Variants in CLVS1 observed in about 807,000 individuals in gnomAD.
CLVS1 encodes the protein clavesin-1.
Under a neutral mutation model 33.1 loss-of-function variants are expected in CLVS1, and 10 were observed. That is an observed-to-expected ratio of 0.30 (90% confidence interval 0.19 to 0.51). The LOEUF (loss-of-function observed/expected upper bound fraction) is 0.51. Ranked by LOEUF, CLVS1 falls within the 20% of genes least tolerant of loss-of-function variation. The pLI, the probability that CLVS1 is intolerant of heterozygous loss-of-function variation, is 0.97. For synonymous variants in CLVS1, 163 were observed against 166.1 expected (o/e 0.98, Z 0.14); for missense variants, 343 against 433.4 (o/e 0.79, Z 1.85).
intron 2 of CLVS1, among the ~76,000 whole-genome samples, chr8:61,239,465 G>A (rs1299158773): frequency 6.6e-6 from 1 of 152,110 alleles, no homozygotes; most frequent in African/African-American, 2.4e-5. Flanking sequence ...AGGTGTGGTG[G>A]CTCACGCCTG....
rs549379041 is a variant in CLVS1, at chr8:61,140,472, C to G, written c.-152+8612C>G. 2.6e-5 allele frequency among the ~76,000 whole-genome samples: 4 copies of G among 152,344 alleles called. No homozygotes were observed. In the South Asian group the frequency reaches 8.3e-4, roughly 32 times the overall value. On this transcript the variant is annotated intron_variant, in intron 2 of 2. Transcript: ENST00000522621. The stretch of plus-strand genomic sequence containing the variant: ...GTTGAGTCAAATTCCTACCTGGCAC[C>G]AGCAAAGGAAATGCTTGTAACTAGT...
At chr8:61,339,700 G>GGA (rs1157663432) in intron 2 of CLVS1, among the ~76,000 whole-genome samples, 68 of 151,350 alleles carry the variant, frequency 4.5e-4, no homozygotes, top group African/African-American at 1.3e-3. Context: ...GGAAAGAGAG[G>GGA]GAGAGAGAGA....
intron 2 of CLVS1, among the ~76,000 whole-genome samples, chr8:61,216,906 A>G (rs1419789945): frequency 6.6e-6 from 1 of 152,134 alleles, no homozygotes; most frequent in Non-Finnish European, 1.5e-5. Context: ...CTGGGCCATT[A>G]TACATATATT....
intron 2 of CLVS1, among the ~76,000 whole-genome samples, chr8:61,135,037 A>G (rs191082058): frequency 4.6e-5 from 7 of 152,092 alleles, no homozygotes; most frequent in Non-Finnish European, 8.8e-5. Context: ...GGAAAAATCC[A>G]TGGCACACAC....
chr8:61,349,636 T>C (rs1042707109), intron 2 of CLVS1, among the ~76,000 whole-genome samples: 3 of 152,048 alleles, frequency 2.0e-5, no homozygotes, highest in African/African-American at 7.3e-5. Flanking sequence ...TCCATCTTAA[T>C]GTTCAGAACC....
At chr8:61,092,808 C>T (rs2129284823) in intron 1 of CLVS1, among the ~76,000 whole-genome samples, 1 of 152,328 alleles carries the variant, frequency 6.6e-6, no homozygotes, top group African/African-American at 2.4e-5. Flanking sequence ...TCTTAATTCC[C>T]CTTTCCCATG....
Position 61,412,302 on chromosome 8 carries a change from A to G in CLVS1, c.630+35523A>G, listed in dbSNP as rs574666625. On this transcript the variant is annotated intron_variant, in intron 3 of 5. Transcript: ENST00000325897. ...TACTATGAGATATGTACTGACAACCACAGAAACACAGGGACAGGACCAAAT... is the reference window on the plus strand; with the variant it reads ...TACTATGAGATATGTACTGACAACCGCAGAAACACAGGGACAGGACCAAAT... 6.6e-4 allele frequency among the ~76,000 whole-genome samples: 101 copies of G among 152,356 alleles called. 1 individual carries two copies. The South Asian group carries it at 0.018, about 27-fold the overall frequency.
intron 2 of CLVS1, among the ~76,000 whole-genome samples, chr8:61,179,943 A>G (rs1178766981): frequency 6.6e-6 from 1 of 152,236 alleles, no homozygotes; most frequent in East Asian, 1.9e-4. Context: ...GAGAGGCAAG[A>G]GCAAACAAAT....
intron 2 of CLVS1, among the ~76,000 whole-genome samples, chr8:61,167,151 C>G (rs1411570491): frequency 6.6e-6 from 1 of 150,408 alleles, no homozygotes; most frequent in African/African-American, 2.4e-5. Flanking sequence ...TCTGCTCCTT[C>G]TATCTCCTTT....
the CLVS1 span, among the ~76,000 whole-genome samples, chr8:60,987,485 A>T: frequency 6.6e-6 from 1 of 152,280 alleles, no homozygotes; most frequent in East Asian, 1.9e-4. Flanking sequence ...GAAGGAAGGA[A>T]AGAAGGAATG....
At chr8:61,223,988 A>T (rs1186488894) in intron 2 of CLVS1, among the ~76,000 whole-genome samples, 1 of 151,960 alleles carries the variant, frequency 6.6e-6, no homozygotes, top group Admixed American at 6.6e-5. Flanking sequence ...TGCTTCACGA[A>T]GTTCTCGTGC....
intron 3 of CLVS1, among the ~76,000 whole-genome samples, chr8:61,439,862 A>G (rs890749354): frequency 2.0e-5 from 3 of 152,204 alleles, no homozygotes; most frequent in African/African-American, 7.2e-5. Context: ...TGGGACTAAG[A>G]AACATGTAGG....
intron 2 of CLVS1, among the ~76,000 whole-genome samples, chr8:61,168,961 A>T (rs542027954): frequency 6.6e-6 from 1 of 152,342 alleles, no homozygotes; most frequent in African/African-American, 2.4e-5. Flanking sequence ...GCTTCCATAG[A>T]CAAGTCTCTT....
chr8:61,032,866 A>C, the CLVS1 span, among the ~76,000 whole-genome samples: 3 of 151,910 alleles, frequency 2.0e-5, no homozygotes, highest in African/African-American at 7.3e-5. Flanking sequence ...GCTATGCTTC[A>C]AAATACTATC....
At chr8:61,281,598 T>G (rs1809672005) in intron 2 of CLVS1, among the ~76,000 whole-genome samples, 1 of 152,196 alleles carries the variant, frequency 6.6e-6, no homozygotes, top group Non-Finnish European at 1.5e-5. Context: ...TTATGTTGTT[T>G]AAGTCAACAA....
chr8:61,462,615 C>G (rs932027044), intron 5 of CLVS1, among the ~76,000 whole-genome samples: 2 of 152,140 alleles, frequency 1.3e-5, no homozygotes, highest in Non-Finnish European at 1.5e-5. Context: ...ACATATCCAC[C>G]AGAGCTCTTG....
the CLVS1 span, among the ~76,000 whole-genome samples, chr8:61,026,872 T>C: frequency 6.6e-6 from 1 of 152,170 alleles, no homozygotes; most frequent in Admixed American, 6.5e-5. Flanking sequence ...CACCTGTCTA[T>C]GCCACCCAGA....
chr8:61,419,169 C>G (rs1029170490), intron 3 of CLVS1, among the ~76,000 whole-genome samples: 1 of 151,962 alleles, frequency 6.6e-6, no homozygotes, highest in Non-Finnish European at 1.5e-5. Context: ...GAAGCCGAGG[C>G]GAATGGATCA....
intron 5 of CLVS1, among the ~76,000 whole-genome samples, chr8:61,468,257 T>G (rs1334251705): frequency 6.6e-6 from 1 of 152,220 alleles, no homozygotes; most frequent in South Asian, 2.1e-4. Flanking sequence ...TCCAAAAGCC[T>G]AGTGTCTTGC....
Sources: gnomAD v4.1 joint callset for allele counts (sites outside exome capture counted in the v4.1 genomes callset) on GRCh38, gnomAD v4.1.1 for gene constraint, MANE v1.5 for transcripts, NCBI Gene and HGNC (gene_info 2026-07-23, HGNC 2026-07-21) for gene names.